Variants in TMX4 observed in about 807,000 individuals in gnomAD.
TMX4 encodes the protein thioredoxin-related transmembrane protein 4.
In TMX4, 23 loss-of-function variants were observed where a neutral mutation model predicts 33.3. The ratio of observed to expected loss-of-function variants is 0.69; its 90% CI spans 0.50 to 0.98. The LOEUF (loss-of-function observed/expected upper bound fraction) is 0.98. TMX4 is among the 50% of genes least tolerant of loss of function. The pLI is 0.00. For missense variants in TMX4, 399 were observed against 448.9 expected (o/e 0.89, Z 1.01); for synonymous variants, 164 against 161.5 (o/e 1.02, Z -0.12).
At chr20:8,010,111 C>T in intron 2 of TMX4, 89 bp downstream of exon 2, 2 of 1,063,008 alleles carry the variant, frequency 1.9e-6, no homozygotes, top group Admixed American at 4.2e-5. Context: ...AATCAATATC[C>T]CAGACTCTCA....
chr20:7,982,452 G>C lies in TMX4; in HGVS notation c.849C>G (p.Asp283Glu), dbSNP rs1417215672. The C allele has an allele frequency of 1.9e-6, 3 of 1,614,052 alleles. No individual in the cohort carries two copies. The South Asian group carries it at 3.3e-5, about 18-fold the overall frequency. ...CCTCATCCACACCAGCAGCCAAGTTGTCCTCCTCCTCTTCTTCCTCTGCTT... is the reference window on the plus strand; with the variant it reads ...CCTCATCCACACCAGCAGCCAAGTTCTCCTCCTCCTCTTCTTCCTCTGCTT... ...EDEAEEEEEE[D>E]NLAAGVDEER... Residue 283 changes from aspartate to glutamate, a missense_variant, in exon 8 of 8, where the codon GAC becomes GAG. Asp to Glu is a conservative substitution (Grantham distance 45). Transcript: ENST00000246024.
chr20:7,999,716 T>TA lies in TMX4; in HGVS notation c.467+15dup, dbSNP rs2050694911. 1 of 1,606,680 alleles carries TA rather than the reference T, an allele frequency of 6.2e-7. No homozygotes were observed. The highest frequency in any genetic ancestry group is 2.2e-5 in the East Asian group (1 of 44,798). On this transcript the variant is annotated intron_variant, in intron 4 of 7. Transcript: ENST00000246024. Reference sequence around the variant, plus strand: ...CTGTTTTATTAGTAACACCTTGTCTTAAAAAATTGAGTTACGTTAGAGAAG... The same window carrying TA: ...CTGTTTTATTAGTAACACCTTGTCTTAAAAAAATTGAGTTACGTTAGAGAAG...
chr20:7,982,678 A>G, intron 7 of TMX4, 57 bp from the exon 8 acceptor site: 1 of 1,517,964 alleles, frequency 6.6e-7, no homozygotes, highest in Non-Finnish European at 8.8e-7. Context: ...TTCGGTAATC[A>G]ATTGAGTGTG....
At chr20:8,019,209 C>T in intron 1 of TMX4, 1 of 538,794 alleles carries the variant, frequency 1.9e-6, no homozygotes, top group Non-Finnish European at 3.2e-6. Context: ...GGCCGGGCCC[C>T]ACAGCCGCAG....
chr20:8,011,193 T>C (rs1296739460), intron 1 of TMX4, among the ~76,000 whole-genome samples: 1 of 152,144 alleles, frequency 6.6e-6, no homozygotes, highest in Non-Finnish European at 1.5e-5. Context: ...TTTTCATTTG[T>C]TCCATTCCTG....
At chr20:8,010,819 T>C (rs1459111989) in intron 1 of TMX4, among the ~76,000 whole-genome samples, 1 of 152,146 alleles carries the variant, frequency 6.6e-6, no homozygotes, top group Non-Finnish European at 1.5e-5. Flanking sequence ...AAAAGGAAAG[T>C]AGAAGCTATA....
chr20:8,006,582 G>A (rs545305769), intron 2 of TMX4, among the ~76,000 whole-genome samples: 7 of 152,192 alleles, frequency 4.6e-5, no homozygotes, highest in African/African-American at 1.7e-4. Flanking sequence ...TTTGTAAAAA[G>A]TAAATAAATA....
chr20:7,983,684 AT>A (rs2050618609), intron 7 of TMX4, 109 bp downstream of exon 7: 1 of 706,314 alleles, frequency 1.4e-6, no homozygotes. Context: ...GGTAGTGATT[AT>A]TTGGTCACCT....
chr20:7,988,288 A>G (rs1175685662), intron 5 of TMX4, among the ~76,000 whole-genome samples: 1 of 152,216 alleles, frequency 6.6e-6, no homozygotes, highest in East Asian at 1.9e-4. Context: ...AGGTAATGAC[A>G]ATGACTTCCC....
chr20:7,999,788 C>T lies in TMX4; in HGVS notation c.411G>A (p.Glu137=). The T allele has an allele frequency of 6.2e-7, 1 of 1,613,710 alleles. No homozygotes were observed. The highest frequency in any genetic ancestry group is 1.1e-5 in the South Asian group (1 of 91,048). The change falls in exon 4 of 8, where the codon GAG becomes GAA. Residue 137 remains glutamate (E), a synonymous_variant. Coordinates refer to ENST00000246024, the MANE Select transcript of TMX4 (RefSeq NM_021156.4). ...GAGGCTCGACTGATTGCCATTTCTT[C>T]TCTAAGATATAATTCTGCAGGTCTT... ...IFEDLQNYIL[E]KKWQSVEPLT...
Position 7,982,569 on chromosome 20 carries a change from C to T in TMX4, c.732G>A (p.Ala244=), listed in dbSNP as rs780337620. The change falls in exon 8 of 8, where the codon GCG becomes GCA. Residue 244 remains alanine (A), a synonymous_variant. Coordinates refer to ENST00000246024, the MANE Select transcript of TMX4 (RefSeq NM_021156.4). The stretch of plus-strand genomic sequence containing the variant: ...CATTTGAATCATCTTTTTCCTCCTC[C>T]GCATCCTGCAACTGTTCAGCTCTAT... ...EAHRAEQLQD[A]EEEKDDSNEE... The T allele has an allele frequency of 1.1e-5, 17 of 1,613,750 alleles. No homozygotes were observed. The Admixed American group carries it at 1.5e-4, about 14-fold the overall frequency.
chr20:8,013,964 A>G (rs542901346), intron 1 of TMX4: 3 of 152,352 alleles, frequency 2.0e-5, no homozygotes, highest in East Asian at 1.9e-4. Context: ...GAGGTATACT[A>G]GGTTCATCTT....
chr20:7,989,900 G>T (rs1350135506), intron 5 of TMX4, among the ~76,000 whole-genome samples: 1 of 152,128 alleles, frequency 6.6e-6, no homozygotes, highest in Non-Finnish European at 1.5e-5. Flanking sequence ...AATATTATAT[G>T]TGCTTACCAC....
intron 7 of TMX4, 84 bp from the exon 8 acceptor site, chr20:7,982,705 AAAT>A: frequency 7.0e-7 from 1 of 1,423,052 alleles, no homozygotes; most frequent in East Asian, 2.3e-5. Context: ...TGTGAAATAA[AAAT>A]AGAGGGTAAG....
chr20:8,019,315 G>T, intron 1 of TMX4, 123 bp downstream of exon 1: 1 of 1,201,586 alleles, frequency 8.3e-7, no homozygotes, highest in Non-Finnish European at 1.1e-6. Flanking sequence ...TTGTTGGCAA[G>T]CCTGGTCCGG....
intron 1 of TMX4, among the ~76,000 whole-genome samples, chr20:8,017,325 C>T (rs1050796421): frequency 2.0e-5 from 3 of 152,184 alleles, no homozygotes; most frequent in African/African-American, 7.2e-5. Context: ...CTAAAATGAC[C>T]TTGTGTCTAC....
At chr20:8,018,720 T>C (rs988224717) in intron 1 of TMX4, 1 of 179,580 alleles carries the variant, frequency 5.6e-6, no homozygotes, top group African/African-American at 2.4e-5. Context: ...ATTTGCTTTC[T>C]ATTGTTAAAA....
rs1311137756 is a variant in TMX4, at chr20:8,019,637, C to G, written c.-24G>C. On this transcript the variant is annotated 5_prime_UTR_variant, in exon 1 of 8. Coordinates refer to ENST00000246024, the MANE Select transcript of TMX4 (RefSeq NM_021156.4). ...ATGTTGGGCGCCGAGCGAGGCTTCT[C>G]GGCGGGGAGTGTGGGGAAGGGCAGC... 11 of 1,327,600 alleles carry G rather than the reference C, an allele frequency of 8.3e-6. No individual in the cohort carries two copies. The highest frequency in any genetic ancestry group is 1.1e-5 in the Non-Finnish European group (11 of 1,039,104). 82.2% of individuals were successfully genotyped at this position (1,327,600 alleles called of 1,614,324 possible).
rs1359227853 is a variant in TMX4, at chr20:8,010,431, A to C, written c.177-116T>G. The C allele has an allele frequency of 8.3e-6, 5 of 601,442 alleles. No individual in the cohort carries two copies. The East Asian group carries it at 1.9e-4, about 23-fold the overall frequency. 37.3% of individuals were successfully genotyped at this position (601,442 alleles called of 1,614,324 possible). ...ATTAAAAAAGGGAAATTATAAAAGGAGGCTTTTCCAAAGTCATTTGACATA... is the reference window on the plus strand; with the variant it reads ...ATTAAAAAAGGGAAATTATAAAAGGCGGCTTTTCCAAAGTCATTTGACATA... On this transcript the variant is annotated intron_variant, in intron 1 of 7. Transcript: ENST00000246024.
Sources: allele counts gnomAD v4.1 joint callset (sites outside exome capture counted in the v4.1 genomes callset), GRCh38; gene constraint gnomAD v4.1.1; transcripts MANE v1.5; gene names NCBI Gene and HGNC (gene_info 2026-07-23, HGNC 2026-07-21).